The following NELL1 variants were observed in gnomAD, a reference collection of about 807,000 sequenced individuals.
The protein encoded by NELL1 is protein kinase C-binding protein NELL1.
A neutral mutation model predicts 107.4 loss-of-function variants in NELL1; 76 were observed. The ratio of observed to expected loss-of-function variants is 0.71; its 90% CI spans 0.59 to 0.86. The LOEUF (loss-of-function observed/expected upper bound fraction) is 0.86, where lower values mean the gene tolerates loss of function less well. Among genes scored for constraint, NELL1 ranks in the 40% least tolerant of loss-of-function variants. The pLI, the probability that NELL1 is intolerant of heterozygous loss-of-function variation, is 0.00. For missense variants in NELL1, 1,024 were observed against 1,005.5 expected (o/e 1.02, Z -0.25); for synonymous variants, 353 against 341.2 (o/e 1.03, Z -0.38).
chr11:21,122,496 A>G (rs558238291), intron 13 of NELL1, among the ~76,000 whole-genome samples: 13 of 152,218 alleles, frequency 8.5e-5, no homozygotes, highest in Admixed American at 6.5e-4. Context: ...CTATCTGTCT[A>G]TTGTTATTTC....
intron 14 of NELL1, among the ~76,000 whole-genome samples, chr11:21,264,701 T>C (rs1848602928): frequency 6.6e-6 from 1 of 151,730 alleles, no homozygotes. Context: ...TAGAGACTTT[T>C]GGGGAAAACT....
At chr11:21,307,447 T>C (rs760518656) in intron 14 of NELL1, among the ~76,000 whole-genome samples, 15 of 151,964 alleles carry the variant, frequency 9.9e-5, no homozygotes, top group Admixed American at 2.0e-4. Context: ...CTACACTTAT[T>C]CCCAAACACA....
intron 11 of NELL1, among the ~76,000 whole-genome samples, chr11:20,952,682 A>G (rs1041186858): frequency 1.3e-5 from 2 of 152,184 alleles, no homozygotes; most frequent in African/African-American, 4.8e-5. Context: ...TATATGCTCA[A>G]CTGTTGGGGC....
At chr11:20,776,125 TAC>T (rs1260484269) in intron 2 of NELL1, among the ~76,000 whole-genome samples, 4 of 152,194 alleles carry the variant, frequency 2.6e-5, no homozygotes, top group African/African-American at 9.7e-5. Flanking sequence ...TCATGGAACT[TAC>T]AGTCCAGTGG....
chr11:21,101,666 G>A (rs1161454655), intron 12 of NELL1, among the ~76,000 whole-genome samples: 9 of 152,052 alleles, frequency 5.9e-5, no homozygotes, highest in Middle Eastern at 3.4e-3. Context: ...CATATCCTTC[G>A]CCCACTTTTT....
At chr11:21,316,092 T>G (rs1193880069) in intron 14 of NELL1, among the ~76,000 whole-genome samples, 1 of 152,194 alleles carries the variant, frequency 6.6e-6, no homozygotes, top group African/African-American at 2.4e-5. Context: ...GTCAAAAATA[T>G]GTTGACTTAT....
chr11:21,517,540 T>C (rs766316009), intron 15 of NELL1, among the ~76,000 whole-genome samples: 4 of 152,174 alleles, frequency 2.6e-5, no homozygotes, highest in Non-Finnish European at 5.9e-5. Flanking sequence ...TTCTGTAATC[T>C]TCGGAATGTA....
At chr11:20,881,596 G>T (rs146933583) in intron 4 of NELL1, among the ~76,000 whole-genome samples, 1 of 152,210 alleles carries the variant, frequency 6.6e-6, no homozygotes, top group Admixed American at 6.5e-5. Flanking sequence ...ATTAAGTGTT[G>T]TATAAGTGCT....
intron 2 of NELL1, among the ~76,000 whole-genome samples, chr11:20,698,971 C>T (rs1268503584): frequency 6.6e-6 from 1 of 152,062 alleles, no homozygotes; most frequent in South Asian, 2.1e-4. Context: ...AATCCCAGTA[C>T]TTTGGGAGGC....
intron 9 of NELL1, among the ~76,000 whole-genome samples, chr11:20,935,403 A>G (rs1465881367): frequency 6.6e-6 from 1 of 152,138 alleles, no homozygotes; most frequent in Admixed American, 6.6e-5. Flanking sequence ...TGTTTCTGAG[A>G]AAGAGAACGG....
chr11:20,702,589 G>C (rs1440322996), intron 2 of NELL1, among the ~76,000 whole-genome samples: 1 of 152,056 alleles, frequency 6.6e-6, no homozygotes, highest in South Asian at 2.1e-4. Context: ...TCTTGTGCCA[G>C]TTTTCAAACG....
intron 12 of NELL1, among the ~76,000 whole-genome samples, chr11:20,981,781 T>G (rs1458760256): frequency 6.6e-6 from 1 of 152,170 alleles, no homozygotes; most frequent in Non-Finnish European, 1.5e-5. Context: ...CCAATTGTGC[T>G]GATCAGGATT....
intron 14 of NELL1, among the ~76,000 whole-genome samples, chr11:21,308,683 C>T (rs1287311225): frequency 2.0e-5 from 3 of 152,014 alleles, no homozygotes; most frequent in African/African-American, 7.2e-5. Context: ...TCCCCCAATT[C>T]ACTATCAATT....
At chr11:20,937,361 C>T (rs748804219) in intron 9 of NELL1, among the ~76,000 whole-genome samples, 1 of 152,206 alleles carries the variant, frequency 6.6e-6, no homozygotes, top group Non-Finnish European at 1.5e-5. Context: ...TGGTGTCCTT[C>T]TCCATTGTGG....
At chr11:21,308,321 C>T (rs1187864455) in intron 14 of NELL1, among the ~76,000 whole-genome samples, 3 of 152,004 alleles carry the variant, frequency 2.0e-5, no homozygotes, top group Non-Finnish European at 2.9e-5. Flanking sequence ...TGAGCTAAGA[C>T]ATCAAGGAAG....
At chr11:21,318,571 A>G (rs1394961927) in intron 14 of NELL1, among the ~76,000 whole-genome samples, 1 of 152,010 alleles carries the variant, frequency 6.6e-6, no homozygotes, top group Non-Finnish European at 1.5e-5. Flanking sequence ...TCACCCTCAT[A>G]ATACCTCTAT....
Position 21,234,639 on chromosome 11 carries a change from G to A in NELL1, c.1549+5185G>A, listed in dbSNP as rs1858154597. Among the ~76,000 whole-genome samples the A allele has an allele frequency of 2.6e-5, 4 of 152,136 alleles. No individual in the cohort carries two copies. The South Asian group carries it at 8.3e-4, about 31-fold the overall frequency. ...TTTTAAGGCTCTCCAGAATCCTGTAGTGCTCTGAAACCATTCATTATGAGT... is the reference window on the plus strand; with the variant it reads ...TTTTAAGGCTCTCCAGAATCCTGTAATGCTCTGAAACCATTCATTATGAGT... On this transcript the variant is annotated intron_variant, in intron 14 of 19. Coordinates refer to ENST00000357134, the MANE Select transcript of NELL1 (RefSeq NM_006157.5).
intron 13 of NELL1, among the ~76,000 whole-genome samples, chr11:21,153,147 G>A (rs561952090): frequency 2.0e-5 from 3 of 152,208 alleles, no homozygotes; most frequent in South Asian, 4.1e-4. Context: ...AAATGCAATT[G>A]TGTTTTCATC....
intron 13 of NELL1, among the ~76,000 whole-genome samples, chr11:21,135,940 C>A (rs1210825260): frequency 6.6e-6 from 1 of 152,136 alleles, no homozygotes; most frequent in Admixed American, 6.5e-5. Context: ...CGTGAGCCCC[C>A]AGGATTTGGT....
Sources: gnomAD v4.1 joint callset for allele counts (sites outside exome capture counted in the v4.1 genomes callset) on GRCh38, gnomAD v4.1.1 for gene constraint, MANE v1.5 for transcripts, NCBI Gene and HGNC (gene_info 2026-07-23, HGNC 2026-07-21) for gene names.